Variants in SLC25A26 observed in about 807,000 individuals in gnomAD.
SLC25A26 encodes the protein mitochondrial S-adenosylmethionine carrier protein.
In SLC25A26, 36 loss-of-function variants were observed where a neutral mutation model predicts 37.8. The observed-to-expected ratio is 0.95, with a 90% CI of 0.73 to 1.26. The LOEUF is 1.26. SLC25A26 is among the 50% of genes most tolerant of loss of function. SLC25A26 has a pLI of 0.00. For synonymous variants in SLC25A26, 129 were observed against 122.5 expected (o/e 1.05, Z -0.35); for missense variants, 390 against 331.1 (o/e 1.18, Z -1.38).
chr3:66,353,838 G>GT (rs1333390045), intron 6 of SLC25A26, among the ~76,000 whole-genome samples: 1 of 152,160 alleles, frequency 6.6e-6, no homozygotes, highest in Non-Finnish European at 1.5e-5. Context: ...ACGTGCTTGT[G>GT]TTTAACTCCC....
upstream of SLC25A26, among the ~76,000 whole-genome samples, chr3:66,217,480 A>G (rs1427904142): frequency 6.6e-6 from 1 of 152,128 alleles, no homozygotes; most frequent in African/African-American, 2.4e-5. Flanking sequence ...CTGTGCATAT[A>G]TTATTTATTC....
chr3:66,146,919 T>C (rs899716619), intron 1 of SLC25A26, among the ~76,000 whole-genome samples: 4 of 152,140 alleles, frequency 2.6e-5, no homozygotes, highest in Non-Finnish European at 5.9e-5. Flanking sequence ...AGTGAGAACA[T>C]ACAGTATTTG....
intron 5 of SLC25A26, among the ~76,000 whole-genome samples, chr3:66,290,799 G>A (rs1429536219): frequency 1.3e-5 from 2 of 152,126 alleles, no homozygotes; most frequent in Admixed American, 6.5e-5. Flanking sequence ...TCTCTGCCAG[G>A]TTTTGGTATC....
chr3:66,143,849 C>G (rs1358733226), intron 1 of SLC25A26, among the ~76,000 whole-genome samples: 2 of 152,084 alleles, frequency 1.3e-5, no homozygotes, highest in African/African-American at 4.8e-5. Context: ...CCAGTGCACT[C>G]CAGCCTGGGC....
intron 5 of SLC25A26, among the ~76,000 whole-genome samples, chr3:66,269,323 A>G (rs1011044946): frequency 2.6e-5 from 4 of 152,198 alleles, no homozygotes; most frequent in African/African-American, 9.6e-5. Flanking sequence ...CTGTGTTTGA[A>G]TGAGAGGCCA....
intron 6 of SLC25A26, among the ~76,000 whole-genome samples, chr3:66,356,405 C>A (rs1029578949): frequency 2.0e-5 from 3 of 152,096 alleles, no homozygotes; most frequent in African/African-American, 7.2e-5. Context: ...GAAATTACAA[C>A]CTGATTGTTT....
chr3:66,218,885 T>C, upstream of SLC25A26, among the ~76,000 whole-genome samples: 1 of 152,360 alleles, frequency 6.6e-6, no homozygotes, highest in East Asian at 1.9e-4. Flanking sequence ...AGTTTTATGA[T>C]ATGGCCCTGG....
At chr3:66,153,131 C>G (rs1476323986) in intron 1 of SLC25A26, among the ~76,000 whole-genome samples, 3 of 152,250 alleles carry the variant, frequency 2.0e-5, no homozygotes, top group South Asian at 2.1e-4. Flanking sequence ...ATGCTTGGAG[C>G]TATTTTTGGT....
intron 5 of SLC25A26, among the ~76,000 whole-genome samples, chr3:66,267,986 ACACT>A (rs2073821071): frequency 6.6e-6 from 1 of 152,060 alleles, no homozygotes; most frequent in South Asian, 2.1e-4. Context: ...TTTCCCCCGA[ACACT>A]CATGTTATAT....
At chr3:66,256,578 C>A (rs1462047251) in intron 3 of SLC25A26, among the ~76,000 whole-genome samples, 1 of 151,960 alleles carries the variant, frequency 6.6e-6, no homozygotes, top group Non-Finnish European at 1.5e-5. Context: ...TATGTATAGG[C>A]AATAAATATA....
intron 1 of SLC25A26, among the ~76,000 whole-genome samples, chr3:66,146,039 G>A (rs80158589): frequency 0.017 from 2,511 of 151,996 alleles, 66 homozygotes; most frequent in African/African-American, 0.054. Context: ...AGAATTTTCC[G>A]TTTAAAAATC....
At chr3:66,288,613 G>A (rs2107494480) in intron 5 of SLC25A26, among the ~76,000 whole-genome samples, 1 of 152,126 alleles carries the variant, frequency 6.6e-6, no homozygotes, top group East Asian at 1.9e-4. Context: ...TGCTGAGAAT[G>A]ATGGGTTCCA....
At chr3:66,330,700 T>A (rs9823233) in intron 5 of SLC25A26, among the ~76,000 whole-genome samples, 4 of 151,842 alleles carry the variant, frequency 2.6e-5, no homozygotes, top group African/African-American at 9.7e-5. Flanking sequence ...TGTAAACTGC[T>A]GAAACATCCA....
chr3:66,244,394 C>T (rs782152013), intron 3 of SLC25A26, among the ~76,000 whole-genome samples: 1 of 152,198 alleles, frequency 6.6e-6, no homozygotes, highest in East Asian at 1.9e-4. Flanking sequence ...GAGATAGTCA[C>T]ATCTCTCTCT....
rs1202186769 is a variant in SLC25A26 at position 66,136,670 on chromosome 3, G to A, written c.-354+2686G>A. Among the ~76,000 whole-genome samples the A allele has an allele frequency of 2.6e-5, 4 of 152,332 alleles. No homozygotes were observed. The East Asian group carries it at 7.7e-4, about 29-fold the overall frequency. On this transcript the variant is annotated intron_variant, in intron 1 of 10. Coordinates refer to the SLC25A26 transcript ENST00000676754. ...TCTTTCACCTAAGCTCTGGCTTTCAGCCGCTAGGTTTCTCTCTTCTGCTTT... is the reference window on the plus strand; with the variant it reads ...TCTTTCACCTAAGCTCTGGCTTTCAACCGCTAGGTTTCTCTCTTCTGCTTT...
At chr3:66,250,230 C>T (rs552534785) in intron 3 of SLC25A26, among the ~76,000 whole-genome samples, 1 of 152,206 alleles carries the variant, frequency 6.6e-6, no homozygotes, top group Admixed American at 6.5e-5. Flanking sequence ...ATTCCTTCAC[C>T]ACTTCTATGG....
At chr3:66,167,275 A>T (rs769288964) in intron 1 of SLC25A26, among the ~76,000 whole-genome samples, 1 of 151,046 alleles carries the variant, frequency 6.6e-6, no homozygotes, top group Non-Finnish European at 1.5e-5. Flanking sequence ...CGTCCACTTC[A>T]TCTGGACTTG....
At chr3:66,316,119 G>C (rs2075532085) in intron 5 of SLC25A26, among the ~76,000 whole-genome samples, 1 of 152,138 alleles carries the variant, frequency 6.6e-6, no homozygotes, top group African/African-American at 2.4e-5. Context: ...TTACATTTAA[G>C]GTTACTATTG....
At chr3:66,174,757 G>A (rs1373592420) in intron 1 of SLC25A26, among the ~76,000 whole-genome samples, 4 of 150,218 alleles carry the variant, frequency 2.7e-5, no homozygotes, top group Non-Finnish European at 5.9e-5. Context: ...CTGCACTCCA[G>A]CCTGGGCTAC....
Sources: allele counts gnomAD v4.1 joint callset (sites outside exome capture counted in the v4.1 genomes callset), GRCh38; gene constraint gnomAD v4.1.1; transcripts MANE v1.5; gene names NCBI Gene and HGNC (gene_info 2026-07-23, HGNC 2026-07-21).